IPCEF1: variants seen among roughly 807,000 people sequenced by gnomAD.
IPCEF1 encodes interaction protein for cytohesin exchange factors 1.
Under a neutral mutation model 50.9 loss-of-function variants are expected in IPCEF1, and 31 were observed. The observed-to-expected ratio is 0.61, with a 90% CI of 0.46 to 0.82. The LOEUF is 0.82. Among genes scored for constraint, IPCEF1 ranks in the 40% least tolerant of loss-of-function variants. The pLI is 0.00. For synonymous variants in IPCEF1, 181 were observed against 192.0 expected (o/e 0.94, Z 0.47); for missense variants, 458 against 514.0 (o/e 0.89, Z 1.05).
chr6:154,222,671 T>C (rs990503019), intron 6 of IPCEF1, among the ~76,000 whole-genome samples: 3 of 152,150 alleles, frequency 2.0e-5, no homozygotes, highest in African/African-American at 7.2e-5. Flanking sequence ...TTGGTCCCTG[T>C]CAGTGCTCAA....
rs200528142 is a variant in IPCEF1, at chr6:154,159,909, C to T, written c.1236G>A (p.Ser412=). 84 of 1,612,934 alleles carry T rather than the reference C, an allele frequency of 5.2e-5. No individual in the cohort carries two copies. The highest frequency in any genetic ancestry group is 6.6e-5 in the Non-Finnish European group (78 of 1,179,842). ...IQDIYQQQRA[S]PAPDDTDDTP... is the part of the protein sequence containing the mutation. Reference sequence around the variant, plus strand: ...TGTCATCAGTGTCATCAGGGGCAGGCGAAGCCCGCTGCTGCTGATAGATGT... The same window carrying T: ...TGTCATCAGTGTCATCAGGGGCAGGTGAAGCCCGCTGCTGCTGATAGATGT... Residue 412 remains serine (S), a synonymous_variant, in exon 12 of 12, where the codon TCG becomes TCA. Transcript: ENST00000367220.
chr6:154,237,887 T>C (rs1336931553), intron 5 of IPCEF1, among the ~76,000 whole-genome samples: 1 of 152,210 alleles, frequency 6.6e-6, no homozygotes, highest in Non-Finnish European at 1.5e-5. Context: ...TATACATTTA[T>C]GCACTATAAA....
chr6:154,256,200 T>A (rs1781457001), intron 3 of IPCEF1, among the ~76,000 whole-genome samples: 1 of 152,182 alleles, frequency 6.6e-6, no homozygotes, highest in Admixed American at 6.5e-5. Flanking sequence ...GCCCTCTTAC[T>A]GGTTTACACA....
chr6:154,216,009 A>G (rs1325497894), intron 7 of IPCEF1, among the ~76,000 whole-genome samples: 1 of 152,218 alleles, frequency 6.6e-6, no homozygotes, highest in African/African-American at 2.4e-5. Flanking sequence ...AAGCATTGTC[A>G]CCTTTTGTTG....
At chr6:154,346,163 C>G (rs968773180) in intron 1 of IPCEF1, among the ~76,000 whole-genome samples, 5 of 152,146 alleles carry the variant, frequency 3.3e-5, no homozygotes, top group Non-Finnish European at 7.3e-5. Context: ...AGCCACTGCA[C>G]CTGGCCTCAC....
chr6:154,287,842 C>T (rs980709358), intron 2 of IPCEF1, among the ~76,000 whole-genome samples: 2 of 152,170 alleles, frequency 1.3e-5, no homozygotes, highest in Non-Finnish European at 2.9e-5. Context: ...CTTAGGGTAA[C>T]CAGTTCTGCA....
intron 1 of IPCEF1, among the ~76,000 whole-genome samples, chr6:154,355,681 G>A (rs1784204793): frequency 6.6e-6 from 1 of 151,882 alleles, no homozygotes; most frequent in Non-Finnish European, 1.5e-5. Flanking sequence ...TAGAGACGGG[G>A]TTTCATCATG....
chr6:154,252,481 C>A (rs181712370), intron 3 of IPCEF1, among the ~76,000 whole-genome samples: 1 of 152,168 alleles, frequency 6.6e-6, no homozygotes, highest in East Asian at 1.9e-4. Context: ...TCAAGAACAG[C>A]CTGGCCATCA....
intron 3 of IPCEF1, among the ~76,000 whole-genome samples, chr6:154,256,571 G>A (rs1314121989): frequency 3.3e-4 from 11 of 33,778 alleles, no homozygotes; most frequent in East Asian, 2.6e-3. Flanking sequence ...CTCTGTGCGT[G>A]TGTGTGTGTG....
intron 7 of IPCEF1, among the ~76,000 whole-genome samples, chr6:154,218,469 C>T (rs1463559203): frequency 6.6e-6 from 1 of 152,076 alleles, no homozygotes; most frequent in Non-Finnish European, 1.5e-5. Context: ...ATGCAGTTGC[C>T]CAGGGAGAGG....
At chr6:154,184,721 T>C (rs1216293043) in intron 10 of IPCEF1, among the ~76,000 whole-genome samples, 1 of 151,214 alleles carries the variant, frequency 6.6e-6, no homozygotes, top group Middle Eastern at 3.4e-3. Flanking sequence ...GATGAAGACA[T>C]GTTAGCATTG....
chr6:154,276,054 G>C (rs1362960345), intron 2 of IPCEF1, among the ~76,000 whole-genome samples: 1 of 152,130 alleles, frequency 6.6e-6, no homozygotes, highest in Non-Finnish European at 1.5e-5. Context: ...CATGGTGGCA[G>C]GTGCCTGTAA....
chr6:154,261,464 G>A (rs1285255247), intron 3 of IPCEF1, among the ~76,000 whole-genome samples: 1 of 152,216 alleles, frequency 6.6e-6, no homozygotes, highest in East Asian at 1.9e-4. Flanking sequence ...CACAGGGCCA[G>A]AGACAAAAGC....
intron 5 of IPCEF1, among the ~76,000 whole-genome samples, chr6:154,226,584 A>C (rs1257098823): frequency 1.3e-5 from 2 of 152,122 alleles, no homozygotes; most frequent in East Asian, 3.9e-4. Flanking sequence ...TGCCTCCTTC[A>C]ACTTACCTTT....
chr6:154,260,177 C>G (rs1429032851), intron 3 of IPCEF1, among the ~76,000 whole-genome samples: 2 of 152,156 alleles, frequency 1.3e-5, no homozygotes, highest in African/African-American at 4.8e-5. Flanking sequence ...GACAGATCAT[C>G]CCACAGGTGA....
At chr6:154,331,069 C>A (rs974814315) in intron 1 of IPCEF1, among the ~76,000 whole-genome samples, 7 of 151,948 alleles carry the variant, frequency 4.6e-5, no homozygotes, top group Non-Finnish European at 1.0e-4. Flanking sequence ...GAGTTTGAGA[C>A]CAGGCTGGCC....
intron 1 of IPCEF1, among the ~76,000 whole-genome samples, chr6:154,296,440 G>A (rs929385468): frequency 2.6e-5 from 4 of 152,142 alleles, no homozygotes; most frequent in African/African-American, 7.2e-5. Context: ...GAAACTCCCA[G>A]GCTAGAGATT....
In IPCEF1 at chr6:154,158,049, CTTGT is replaced by C. The variant is rs1472396651; in HGVS notation, c.*1775_*1778del. 5.3e-5 allele frequency: 8 copies of C among 152,162 alleles called. No individual in the cohort carries two copies. Among genetic ancestry groups the C allele is most frequent in the Admixed American group, 5.2e-4 (8 of 15,276 alleles). The allele number at this position is 152,162 out of a possible 1,614,324, so 9.4% of individuals were successfully genotyped here. ...AAGTTTCTAGCAGTACAACTTGCTT[CTTGT>C]TTTTTGTTTTTATTTCTTAATGCTA... On this transcript the variant is annotated 3_prime_UTR_variant, in exon 12 of 12. Coordinates refer to ENST00000367220, the MANE Select transcript of IPCEF1 (RefSeq NM_001130700.2).
In IPCEF1 at chr6:154,250,279, G is replaced by A. The variant is rs368767535; in HGVS notation, c.37-2791C>T. Among the ~76,000 whole-genome samples, 35 of 150,688 alleles carry A rather than the reference G, an allele frequency of 2.3e-4. No homozygotes were observed. The South Asian group carries it at 7.3e-3, about 32-fold the overall frequency. On this transcript the variant is annotated intron_variant, in intron 3 of 11. Transcript: ENST00000367220. Reference sequence around the variant, plus strand: ...AAAAAAAAAAAAAAGCAAGCAACCAGTTGAGCATTTTATGAGATGGTTTTT... The same window carrying A: ...AAAAAAAAAAAAAAGCAAGCAACCAATTGAGCATTTTATGAGATGGTTTTT...
Sources: allele counts gnomAD v4.1 joint callset (sites outside exome capture counted in the v4.1 genomes callset), GRCh38; gene constraint gnomAD v4.1.1; transcripts MANE v1.5; gene names NCBI Gene and HGNC (gene_info 2026-07-23, HGNC 2026-07-21).